The following L3MBTL4 variants were observed in gnomAD, a reference collection of about 807,000 sequenced individuals.
L3MBTL4 encodes the protein L3MBTL histone methyl-lysine binding protein 4.
L3MBTL4 carries 70 observed loss-of-function variants against 84.5 expected under a neutral mutation model. The ratio of observed to expected loss-of-function variants is 0.83; its 90% CI spans 0.68 to 1.01. The LOEUF is 1.01. Ranked by LOEUF, L3MBTL4 falls within the 50% of genes least tolerant of loss-of-function variation. L3MBTL4 has a pLI of 0.00. For synonymous variants in L3MBTL4, 274 were observed against 259.8 expected (o/e 1.05, Z -0.52); for missense variants, 715 against 754.8 (o/e 0.95, Z 0.62).
chr18:6,035,152 A>T (rs2056060492), intron 16 of L3MBTL4, among the ~76,000 whole-genome samples: 1 of 150,228 alleles, frequency 6.7e-6, no homozygotes, highest in Non-Finnish European at 1.5e-5. Context: ...CTTTAGTTTA[A>T]TTAGATCCCA....
intron 12 of L3MBTL4, among the ~76,000 whole-genome samples, chr18:6,203,280 C>T (rs1354040529): frequency 2.6e-5 from 4 of 152,300 alleles, no homozygotes; most frequent in Non-Finnish European, 5.9e-5. Flanking sequence ...GATAGGGAAA[C>T]GCTGATTGAG....
At chr18:6,390,467 A>G (rs948876981) in intron 1 of L3MBTL4, among the ~76,000 whole-genome samples, 10 of 152,184 alleles carry the variant, frequency 6.6e-5, no homozygotes, top group Admixed American at 6.5e-4. Flanking sequence ...AAGAAAAGAA[A>G]TAACAAGGAT....
chr18:6,259,065 AGTGCCCGGGGGGAAGCAG>A (rs1410565952), intron 5 of L3MBTL4: 3 of 152,416 alleles, frequency 2.0e-5, no homozygotes, highest in African/African-American at 7.2e-5. Flanking sequence ...CAGGAGGCAG[AGTGCCCGGGGGGAAGCAG>A]GTGTGCACCT....
At chr18:6,088,004 A>C (rs543077523) in intron 15 of L3MBTL4, among the ~76,000 whole-genome samples, 1 of 152,372 alleles carries the variant, frequency 6.6e-6, no homozygotes, top group South Asian at 2.1e-4. Context: ...CTAAAGATCT[A>C]TAATGTGAAA....
chr18:6,172,067 GAAATA>G (rs1423996122), intron 12 of L3MBTL4, 125 bp from the exon 13 acceptor site: 8 of 528,022 alleles, frequency 1.5e-5, no homozygotes, highest in Non-Finnish European at 2.7e-5. Context: ...CCTTGCAGTT[GAAATA>G]ATATTTAATA....
At chr18:6,186,873 A>G (rs1180830906) in intron 12 of L3MBTL4, among the ~76,000 whole-genome samples, 2 of 152,154 alleles carry the variant, frequency 1.3e-5, no homozygotes, top group African/African-American at 2.4e-5. Flanking sequence ...GGGGCCTGCA[A>G]GAGGCTGAAG....
intron 16 of L3MBTL4, among the ~76,000 whole-genome samples, chr18:5,969,824 T>G (rs919243940): frequency 3.2e-4 from 48 of 152,250 alleles, no homozygotes; most frequent in African/African-American, 1.1e-3. Flanking sequence ...CTCTATGAGA[T>G]GCTGTTTGAT....
At chr18:6,033,422 A>G (rs1170010250) in intron 16 of L3MBTL4, among the ~76,000 whole-genome samples, 1 of 152,156 alleles carries the variant, frequency 6.6e-6, no homozygotes, top group Non-Finnish European at 1.5e-5. Flanking sequence ...TTTTAAACCT[A>G]TTCTGCCAAC....
chr18:6,090,260 G>A (rs1037553029), intron 15 of L3MBTL4, among the ~76,000 whole-genome samples: 6 of 151,982 alleles, frequency 3.9e-5, no homozygotes, highest in Non-Finnish European at 7.4e-5. Flanking sequence ...TCTTGCAAAC[G>A]TCTAGCAGTA....
intron 4 of L3MBTL4, among the ~76,000 whole-genome samples, chr18:6,290,130 C>T (rs959262191): frequency 1.1e-4 from 16 of 152,116 alleles, no homozygotes; most frequent in Non-Finnish European, 1.9e-4. Flanking sequence ...CTAGGTTGCC[C>T]AGGCTGATCT....
intron 1 of L3MBTL4, among the ~76,000 whole-genome samples, chr18:6,399,117 AT>A (rs2055403829): frequency 6.6e-6 from 1 of 152,204 alleles, no homozygotes; most frequent in Non-Finnish European, 1.5e-5. Flanking sequence ...ACCTCTTTAT[AT>A]TTTAATTACA....
At chr18:6,020,446 C>T (rs570926793) in intron 16 of L3MBTL4, among the ~76,000 whole-genome samples, 1 of 152,256 alleles carries the variant, frequency 6.6e-6, no homozygotes, top group East Asian at 1.9e-4. Context: ...GCTGGTTATT[C>T]TGAGGCAGCT....
intron 16 of L3MBTL4, among the ~76,000 whole-genome samples, chr18:6,018,355 C>T (rs57069437): frequency 0.049 from 7,458 of 152,246 alleles, 212 homozygotes; most frequent in South Asian, 0.075. Flanking sequence ...AGCATGTGCA[C>T]GTGAGCAAAG....
At chr18:6,124,575 G>C (rs147387873) in intron 14 of L3MBTL4, among the ~76,000 whole-genome samples, 1 of 151,942 alleles carries the variant, frequency 6.6e-6, no homozygotes, top group Admixed American at 6.6e-5. Context: ...AGGACAGAGA[G>C]AGCTCTGAAA....
At chr18:6,099,888 C>T (rs891967359) in intron 14 of L3MBTL4, among the ~76,000 whole-genome samples, 1 of 151,820 alleles carries the variant, frequency 6.6e-6, no homozygotes, top group Non-Finnish European at 1.5e-5. Flanking sequence ...TCAATGAGTT[C>T]AAAGAGTTGG....
chr18:6,025,038 C>T (rs2055438464), intron 16 of L3MBTL4: 1 of 152,190 alleles, frequency 6.6e-6, no homozygotes, highest in Admixed American at 6.5e-5. Context: ...CCATCAGCAC[C>T]TCCTCTCAGC....
At chr18:5,966,496 T>C (rs970167885) in intron 17 of L3MBTL4, among the ~76,000 whole-genome samples, 4 of 152,090 alleles carry the variant, frequency 2.6e-5, no homozygotes, top group Non-Finnish European at 4.4e-5. Flanking sequence ...GGCTCTTCTT[T>C]CCTCTTTCTA....
intron 1 of L3MBTL4, among the ~76,000 whole-genome samples, chr18:6,347,414 T>C (rs2052964243): frequency 6.6e-6 from 1 of 151,888 alleles, no homozygotes; most frequent in African/African-American, 2.4e-5. Flanking sequence ...AGGTGATGGC[T>C]ATGTTTATGG....
At chr18:6,111,575 C>G (rs769497549) in intron 14 of L3MBTL4, among the ~76,000 whole-genome samples, 2 of 151,938 alleles carry the variant, frequency 1.3e-5, no homozygotes, top group Admixed American at 1.3e-4. Context: ...GCTGAAAATG[C>G]GAAAGGGAGA....
Sources: allele counts gnomAD v4.1 joint callset (sites outside exome capture counted in the v4.1 genomes callset), GRCh38; gene constraint gnomAD v4.1.1; transcripts MANE v1.5; gene names NCBI Gene and HGNC (gene_info 2026-07-23, HGNC 2026-07-21).